The following CNTNAP4 variants were observed in gnomAD, a reference collection of about 807,000 sequenced individuals.
CNTNAP4 encodes the protein contactin-associated protein-like 4.
A neutral mutation model predicts 148.4 loss-of-function variants in CNTNAP4; 98 were observed. The ratio of observed to expected loss-of-function variants is 0.66; its 90% CI spans 0.56 to 0.78. The LOEUF (loss-of-function observed/expected upper bound fraction) is 0.78, where lower values mean the gene tolerates loss of function less well. CNTNAP4 is among the 30% of genes least tolerant of loss of function. The pLI, the probability that CNTNAP4 is intolerant of heterozygous loss-of-function variation, is 0.00. For synonymous variants in CNTNAP4, 730 were observed against 565.1 expected (o/e 1.29, Z -4.14); for missense variants, 1,935 against 1,565.6 (o/e 1.24, Z -3.98).
intron 12 of CNTNAP4, among the ~76,000 whole-genome samples, chr16:76,482,228 G>T (rs986862118): frequency 1.3e-5 from 2 of 151,924 alleles, no homozygotes; most frequent in African/African-American, 4.8e-5. Context: ...AAAAATCCAG[G>T]ACTGATTGTA....
chr16:76,520,804 A>T (rs1208026050), intron 15 of CNTNAP4, among the ~76,000 whole-genome samples: 1 of 152,178 alleles, frequency 6.6e-6, no homozygotes, highest in Non-Finnish European at 1.5e-5. Flanking sequence ...CTATTTATCA[A>T]TGTTTGGCAG....
At chr16:76,391,871 A>G (rs1464497025) in intron 3 of CNTNAP4, among the ~76,000 whole-genome samples, 3 of 152,220 alleles carry the variant, frequency 2.0e-5, no homozygotes, top group East Asian at 1.9e-4. Context: ...ATCCCTGGGT[A>G]ATTCACGTGC....
intron 15 of CNTNAP4, among the ~76,000 whole-genome samples, chr16:76,520,520 T>C (rs2083414529): frequency 6.6e-6 from 1 of 152,188 alleles, no homozygotes; most frequent in South Asian, 2.1e-4. Flanking sequence ...TTCATTCTTA[T>C]TGGCAAAGTA....
At chr16:76,441,223 G>C (rs1281609797) in intron 4 of CNTNAP4, among the ~76,000 whole-genome samples, 1 of 152,014 alleles carries the variant, frequency 6.6e-6, no homozygotes, top group African/African-American at 2.4e-5. Context: ...AAAACAAAAA[G>C]TGTTCTTTGT....
rs200668605 is a variant in CNTNAP4 at position 76,286,657 on chromosome 16, A to G, written c.85+8910A>G. ...GAAGCATAATTTAACTCCTGAAGAC[A>G]ATGCGGTAAAGTGATACGGGTGGCA... is the stretch of plus-strand genomic sequence containing the variant. On this transcript the variant is annotated intron_variant, in intron 1 of 23. Coordinates refer to ENST00000611870, the MANE Select transcript of CNTNAP4 (RefSeq NM_033401.5). Among the ~76,000 whole-genome samples the G allele has an allele frequency of 2.6e-5, 4 of 152,158 alleles. No individual in the cohort carries two copies. In the East Asian group the frequency reaches 7.7e-4, roughly 29 times the overall value.
chr16:76,409,401 A>G (rs62051219), intron 3 of CNTNAP4, among the ~76,000 whole-genome samples: 3,032 of 152,100 alleles, frequency 0.02, 39 homozygotes, highest in Non-Finnish European at 0.029. Flanking sequence ...CAGAGGATGC[A>G]TACAAATATC....
chr16:76,535,214 A>G (rs896515263), intron 17 of CNTNAP4, among the ~76,000 whole-genome samples: 1 of 152,194 alleles, frequency 6.6e-6, no homozygotes, highest in African/African-American at 2.4e-5. Flanking sequence ...TACTTATTCA[A>G]ATTCCCAGAA....
intron 3 of CNTNAP4, among the ~76,000 whole-genome samples, chr16:76,422,435 C>T (rs895070062): frequency 4.9e-4 from 75 of 152,074 alleles, no homozygotes; most frequent in Admixed American, 2.6e-4. Flanking sequence ...TAAAAGTCAG[C>T]TGGTGGAGCT....
intron 1 of CNTNAP4, among the ~76,000 whole-genome samples, chr16:76,291,397 C>G (rs1407095786): frequency 3.3e-5 from 5 of 152,168 alleles, no homozygotes; most frequent in Non-Finnish European, 5.9e-5. Context: ...TCTATCCCTT[C>G]TTTTTCTCTT....
intron 2 of CNTNAP4, among the ~76,000 whole-genome samples, chr16:76,337,313 T>C (rs1227006710): frequency 1.3e-5 from 2 of 152,124 alleles, no homozygotes; most frequent in Non-Finnish European, 2.9e-5. Context: ...TTTTCTATTT[T>C]CCCTAAATGT....
chr16:76,527,509 C>T (rs1442219291), intron 17 of CNTNAP4, among the ~76,000 whole-genome samples: 2 of 152,170 alleles, frequency 1.3e-5, no homozygotes, highest in South Asian at 2.1e-4. Context: ...GTGTGCATAT[C>T]GACTATCCTT....
At chr16:76,484,650 C>T (rs1568359444) in intron 12 of CNTNAP4, among the ~76,000 whole-genome samples, 1 of 152,040 alleles carries the variant, frequency 6.6e-6, no homozygotes, top group Non-Finnish European at 1.5e-5. Flanking sequence ...AATAAGGAAA[C>T]CAAGGCTCAG....
intron 17 of CNTNAP4, 74 bp from the exon 18 acceptor site, chr16:76,535,471 C>T: frequency 6.6e-7 from 1 of 1,523,918 alleles, no homozygotes; most frequent in Non-Finnish European, 8.9e-7. Context: ...TGTAAGGCCT[C>T]AGTTTTGTTT....
In CNTNAP4 at chr16:76,367,677, A is replaced by G. The variant is rs570704082; in HGVS notation, c.390+12166A>G. ...GCAACAGCATAATAGATGTTCAGCT[A>G]TCATGAACAACTTTTAAATATCCCA... On this transcript the variant is annotated intron_variant, in intron 3 of 23. Coordinates refer to ENST00000611870, the MANE Select transcript of CNTNAP4 (RefSeq NM_033401.5). Among the ~76,000 whole-genome samples the G allele has an allele frequency of 8.5e-4, 130 of 152,332 alleles. 3 individuals are homozygous for G. The South Asian group carries it at 0.023, about 27-fold the overall frequency.
intron 3 of CNTNAP4, among the ~76,000 whole-genome samples, chr16:76,380,741 C>T (rs563056244): frequency 3.3e-5 from 5 of 152,178 alleles, no homozygotes; most frequent in Admixed American, 2.0e-4. Context: ...CAGAACACCA[C>T]GTACTTAAAC....
chr16:76,491,332 G>T (rs1195078067), intron 13 of CNTNAP4, among the ~76,000 whole-genome samples: 1 of 152,180 alleles, frequency 6.6e-6, no homozygotes, highest in Non-Finnish European at 1.5e-5. Flanking sequence ...GTTTCTCATT[G>T]GCTAGGTGCA....
At chr16:76,454,367 A>G (rs911913567) in intron 8 of CNTNAP4, among the ~76,000 whole-genome samples, 24 of 152,282 alleles carry the variant, frequency 1.6e-4, no homozygotes, top group African/African-American at 5.8e-4. Flanking sequence ...AAGCATGTAT[A>G]GTTAATATAT....
chr16:76,310,584 G>C (rs1960992678), intron 1 of CNTNAP4, among the ~76,000 whole-genome samples: 1 of 152,086 alleles, frequency 6.6e-6, no homozygotes, highest in Admixed American at 6.6e-5. Context: ...CCTGTCAAAG[G>C]TCTCACCCTG....
intron 2 of CNTNAP4, among the ~76,000 whole-genome samples, chr16:76,340,445 A>T (rs1287624954): frequency 6.6e-6 from 1 of 151,998 alleles, no homozygotes; most frequent in African/African-American, 2.4e-5. Flanking sequence ...CCCTTGTACT[A>T]ATGACTCTTG....
Sources: allele counts gnomAD v4.1 joint callset (sites outside exome capture counted in the v4.1 genomes callset), GRCh38; gene constraint gnomAD v4.1.1; transcripts MANE v1.5; gene names NCBI Gene and HGNC (gene_info 2026-07-23, HGNC 2026-07-21).